Variants in PLCXD1 observed in about 807,000 individuals in gnomAD.
PLCXD1 encodes PI-PLC X domain-containing protein 1.
In PLCXD1, 45 loss-of-function variants were observed where a neutral mutation model predicts 37.8. The observed-to-expected ratio is 1.19, with a 90% CI of 0.94 to 1.53. The LOEUF (loss-of-function observed/expected upper bound fraction) is 1.53. PLCXD1 is among the 40% of genes most tolerant of loss of function. PLCXD1 has a pLI of 0.00. For missense variants in PLCXD1, 539 were observed against 454.7 expected, an observed-to-expected ratio of 1.19 and a Z score of -1.69; for synonymous variants, 246 against 206.9, an observed-to-expected ratio of 1.19 and a Z score of -1.62.
chrX:295,474 A>C (rs2069774216), intron 6 of PLCXD1, among the ~76,000 whole-genome samples: 1 of 151,110 alleles, frequency 6.6e-6, no homozygotes, highest in South Asian at 2.1e-4. Flanking sequence ...AGGTTTTTTC[A>C]ACTTGGTCTC....
intron 6 of PLCXD1, among the ~76,000 whole-genome samples, chrX:294,729 G>C (rs779498142): frequency 6.6e-6 from 1 of 152,126 alleles, no homozygotes; most frequent in Non-Finnish European, 1.5e-5. Flanking sequence ...ACTTGAACCA[G>C]GAAGGCGGAG....
At chrX:276,618 C>G (rs1395935282), upstream of PLCXD1, among the ~76,000 whole-genome samples, 1 of 152,152 alleles carries the variant, frequency 6.6e-6, no homozygotes, top group African/African-American at 2.4e-5. Context: ...GCGGCCTGCA[C>G]CCCTTGCAGA....
chrX:299,382 C>A lies in PLCXD1; in HGVS notation c.*47C>A. 7.5e-7 allele frequency: 1 copy of A among 1,336,314 alleles called. No individual in the cohort carries two copies. The highest frequency in any genetic ancestry group is 1.2e-5 in the South Asian group (1 of 85,656). The allele number at this position is 1,336,314 out of a possible 1,614,324, so 82.8% of individuals were successfully genotyped here. A position where few individuals can be genotyped will look rare whatever the true frequency, so the allele number is the denominator to read the frequency against. On this transcript the variant is annotated 3_prime_UTR_variant, in exon 7 of 7. Coordinates refer to ENST00000381657, the MANE Select transcript of PLCXD1 (RefSeq NM_018390.4). ...GACGCGGCGGCTGCAGTTTCACCCC[C>A]GAATTTCCAAGTATTGTGACTTTGT...
chrX:291,393 G>A (rs571678122), intron 4 of PLCXD1, 106 bp from the exon 5 acceptor site: 25 of 1,270,268 alleles, frequency 2.0e-5, no homozygotes, highest in South Asian at 7.6e-5. Flanking sequence ...TGATCCACCC[G>A]CCTCGGCCTC....
rs977505974 is a variant in PLCXD1 at position 293,348 on chromosome X, G to A, written c.733+130G>A. The A allele has an allele frequency of 5.6e-5, 40 of 716,654 alleles. No individual in the cohort carries two copies. The East Asian group carries it at 7.5e-4, about 13-fold the overall frequency. The allele number at this position is 716,654 out of a possible 1,614,324, so 44.4% of individuals were successfully genotyped here. ...TTTAAAAGGAATCCATGAGCTGGGC[G>A]TGGTAATCCCTGTACCTGTAATCCC... On this transcript the variant is annotated intron_variant, in intron 6 of 6. Coordinates refer to ENST00000381657, the MANE Select transcript of PLCXD1 (RefSeq NM_018390.4).
chrX:276,883 C>T (rs1368130494), upstream of PLCXD1, among the ~76,000 whole-genome samples: 2 of 152,148 alleles, frequency 1.3e-5, no homozygotes, highest in African/African-American at 2.4e-5. Context: ...TGAATGTGCG[C>T]GTCACGGCCA....
chrX:278,791 C>T (rs1254488619), upstream of PLCXD1, among the ~76,000 whole-genome samples: 1 of 105,108 alleles, frequency 9.5e-6, no homozygotes, highest in Non-Finnish European at 2.4e-5. Flanking sequence ...GCGCCTGTGA[C>T]CGAGCCTCAG....
At position 299,177 on chromosome X, in the gene PLCXD1, A is replaced by G; in HGVS notation, c.814A>G (p.Met272Val). ...LAHPSESLEK[M>V]TLPNLPRLSA... ...GCACCCGTCCGAGTCCCTGGAGAAGATGACGCTGCCCAACCTTCCGCGGCT... is the reference window on the plus strand; with the variant it reads ...GCACCCGTCCGAGTCCCTGGAGAAGGTGACGCTGCCCAACCTTCCGCGGCT... Residue 272 changes from methionine to valine, a missense_variant, in exon 7 of 7, where the codon ATG becomes GTG. Physicochemically the swap from Met to Val is conservative, Grantham distance 21 (BLOSUM62 1). Transcript: ENST00000381657. 3 of 1,613,918 alleles carry G rather than the reference A, an allele frequency of 1.9e-6. No homozygotes were observed. The highest frequency in any genetic ancestry group is 2.5e-6 in the Non-Finnish European group (3 of 1,179,866).
At chrX:281,779 G>T (rs1174087583) in intron 1 of PLCXD1, 95 bp downstream of exon 1, 1 of 152,098 alleles carries the variant, frequency 6.6e-6, no homozygotes, top group Non-Finnish European at 1.5e-5. Flanking sequence ...TTTTTCTTGA[G>T]ACAGAGTCTC....
rs190699280 is a variant in PLCXD1, at chrX:300,260, A to G, written c.*925A>G. On this transcript the variant is annotated 3_prime_UTR_variant, in exon 7 of 7. Transcript: ENST00000381657. ...GCCCTTACAGACCCAGGGAGACACT[A>G]TCCTCCCACAGCTCACTAATTACTA... The G allele has an allele frequency of 6.6e-6, 1 of 151,916 alleles. No individual in the cohort carries two copies. Among genetic ancestry groups the G allele is most frequent in the African/African-American group, 2.4e-5 (1 of 41,342 alleles). 9.4% of individuals were successfully genotyped at this position (151,916 alleles called of 1,614,324 possible). A position where few individuals can be genotyped will look rare whatever the true frequency, so the allele number is the denominator to read the frequency against.
chrX:286,899 T>C (rs866795380), intron 2 of PLCXD1, among the ~76,000 whole-genome samples: 1 of 151,998 alleles, frequency 6.6e-6, no homozygotes, highest in Non-Finnish European at 1.5e-5. Context: ...GTCTCCTTCC[T>C]TAACACCTTA....
rs143792767 is a variant in PLCXD1 at position 289,910 on chromosome X, C to G, written c.265-738C>G. On this transcript the variant is annotated intron_variant, in intron 3 of 6. Coordinates refer to ENST00000381657, the MANE Select transcript of PLCXD1 (RefSeq NM_018390.4). ...TCTGCAGTTTGCAGTCAGGCATCTG[C>G]TAGTCCCTGGGAAACAGGGAGACAG... 5.2e-3 allele frequency among the ~76,000 whole-genome samples: 797 copies of G among 152,224 alleles called. 4 individuals carry two copies. The highest frequency in any genetic ancestry group is 0.018 in the African/African-American group (759 of 41,536).
Position 299,364 on chromosome X carries a change from C to A in PLCXD1, c.*29C>A. 2 of 1,509,810 alleles carry A rather than the reference C, an allele frequency of 1.3e-6. No individual in the cohort carries two copies. The highest frequency in any genetic ancestry group is 1.8e-6 in the Non-Finnish European group (2 of 1,085,588). The allele number at this position is 1,509,810 out of a possible 1,614,324, so 93.5% of individuals were successfully genotyped here. A position where few individuals can be genotyped will look rare whatever the true frequency, so the allele number is the denominator to read the frequency against. On this transcript the variant is annotated 3_prime_UTR_variant, in exon 7 of 7. Coordinates refer to ENST00000381657, the MANE Select transcript of PLCXD1 (RefSeq NM_018390.4). ...GACCCTTCTGAAGTTCGGGACGCGG[C>A]GGCTGCAGTTTCACCCCCGAATTTC...
At chrX:293,525 T>G (rs1235934174) in intron 6 of PLCXD1, among the ~76,000 whole-genome samples, 3 of 151,768 alleles carry the variant, frequency 2.0e-5, no homozygotes, top group Admixed American at 2.0e-4. Flanking sequence ...TTTGGGAGGC[T>G]GAGGCGGGCA....
intron 6 of PLCXD1, among the ~76,000 whole-genome samples, chrX:296,311 G>T (rs2069806264): frequency 6.6e-6 from 1 of 151,972 alleles, no homozygotes; most frequent in Admixed American, 6.6e-5. Context: ...TTTTACTAGA[G>T]AAAGGGTTTC....
chrX:281,906 G>T (rs953379983), intron 1 of PLCXD1, among the ~76,000 whole-genome samples: 5 of 151,976 alleles, frequency 3.3e-5, no homozygotes, highest in African/African-American at 9.7e-5. Flanking sequence ...CGCCACCACG[G>T]CCGGCTACTT....
chrX:283,171 C>G (rs1169924566), intron 1 of PLCXD1: 3 of 149,736 alleles, frequency 2.0e-5, no homozygotes, highest in African/African-American at 4.9e-5. Flanking sequence ...CAGTGGCTCA[C>G]GCCTGTAATC....
At chrX:295,843 G>A (rs188171834) in intron 6 of PLCXD1, among the ~76,000 whole-genome samples, 95 of 151,160 alleles carry the variant, frequency 6.3e-4, no homozygotes, top group Non-Finnish European at 1.1e-3. Flanking sequence ...TTTTTTGTTT[G>A]TGTGTTTGTT....
rs372280675 is a variant in PLCXD1, at chrX:298,663, C to T, written c.734-434C>T. On this transcript the variant is annotated intron_variant, in intron 6 of 6. Coordinates refer to ENST00000381657, the MANE Select transcript of PLCXD1 (RefSeq NM_018390.4). ...TCTGTCTCCCACATGGGGATTAGGA[C>T]GTGGACATCTTTGGGGACATTATTC... is the stretch of plus-strand genomic sequence containing the variant. Among the ~76,000 whole-genome samples the T allele has an allele frequency of 4.2e-3, 125 of 29,598 alleles. 13 individuals are homozygous for T. The highest frequency in any genetic ancestry group is 5.5e-3 in the Non-Finnish European group (95 of 17,354). The allele number at this position is 29,598 out of a possible 152,430, so 19.4% of individuals were successfully genotyped here. A position where few individuals can be genotyped will look rare whatever the true frequency, so the allele number is the denominator to read the frequency against.
Sources: allele counts gnomAD v4.1 joint callset (sites outside exome capture counted in the v4.1 genomes callset), GRCh38; gene constraint gnomAD v4.1.1; transcripts MANE v1.5; gene names NCBI Gene and HGNC (gene_info 2026-07-23, HGNC 2026-07-21).